Variants in EFHB observed in about 807,000 individuals in gnomAD.
EFHB encodes the protein EF-hand domain family member B.
Under a neutral mutation model 87.2 loss-of-function variants are expected in EFHB, and 91 were observed. The observed-to-expected ratio is 1.04, with a 90% CI of 0.88 to 1.24. The LOEUF (loss-of-function observed/expected upper bound fraction) is 1.24. EFHB is among the 50% of genes most tolerant of loss of function. The pLI, the probability that EFHB is intolerant of heterozygous loss-of-function variation, is 0.00. For synonymous variants in EFHB, 325 were observed against 333.6 expected (o/e 0.97, Z 0.28); for missense variants, 1,084 against 998.8 (o/e 1.09, Z -1.15).
intron 5 of EFHB, among the ~76,000 whole-genome samples, chr3:19,906,529 T>C (rs1243769959): frequency 3.9e-5 from 6 of 151,994 alleles, no homozygotes; most frequent in African/African-American, 1.4e-4. Context: ...CTGAAAACTA[T>C]AAAACAATGA....
chr3:19,915,116 T>G (rs1695182478), intron 5 of EFHB, among the ~76,000 whole-genome samples, 187 bp downstream of exon 5: 1 of 152,098 alleles, frequency 6.6e-6, no homozygotes, highest in Admixed American at 6.6e-5. Flanking sequence ...AAAATTTTTT[T>G]AAAAACCGTA....
chr3:19,895,905 G>A (rs535572790), intron 9 of EFHB, among the ~76,000 whole-genome samples: 85 of 152,222 alleles, frequency 5.6e-4, no homozygotes, highest in African/African-American at 1.9e-3. Context: ...AGTGCAGCTC[G>A]GTAAAAGCAA....
chr3:19,918,215 A>C lies in EFHB; in HGVS notation c.1177+17T>G. 1 of 1,192,644 alleles carries C rather than the reference A, an allele frequency of 8.4e-7. No homozygotes were observed. Among genetic ancestry groups the C allele is most frequent in the Admixed American group, 2.5e-5 (1 of 39,394 alleles). 73.9% of individuals were successfully genotyped at this position (1,192,644 alleles called of 1,614,324 possible). ...TTTTACCAGCCCCTTCCCACCCCTTATTTTTTTTTTTACTACCTTTGATGA... is the reference window on the plus strand; with the variant it reads ...TTTTACCAGCCCCTTCCCACCCCTTCTTTTTTTTTTTACTACCTTTGATGA... On this transcript the variant is annotated intron_variant, in intron 4 of 12. Coordinates refer to ENST00000295824, the MANE Select transcript of EFHB (RefSeq NM_144715.4).
intron 9 of EFHB, among the ~76,000 whole-genome samples, chr3:19,892,060 A>G (rs1186761209): frequency 6.6e-6 from 1 of 152,134 alleles, no homozygotes; most frequent in Admixed American, 6.5e-5. Context: ...ATTGACACTT[A>G]TTCAAGTTAT....
chr3:19,906,237 G>A (rs371838210), intron 5 of EFHB, among the ~76,000 whole-genome samples: 7 of 152,190 alleles, frequency 4.6e-5, no homozygotes, highest in East Asian at 1.9e-4. Flanking sequence ...GCTGAGGCAC[G>A]AGAATCGCTT....
upstream of EFHB, among the ~76,000 whole-genome samples, chr3:19,936,638 CG>C (rs1190100261): frequency 6.6e-6 from 1 of 151,958 alleles, no homozygotes; most frequent in Non-Finnish European, 1.5e-5. Context: ...GAGGCCTAGG[CG>C]GGTGGATCAT....
At chr3:19,881,297 C>T (rs1351040039) in intron 12 of EFHB, among the ~76,000 whole-genome samples, 1 of 152,178 alleles carries the variant, frequency 6.6e-6, no homozygotes, top group African/African-American at 2.4e-5. Flanking sequence ...AGGCTTTGCT[C>T]CAGTGGTTTG....
At chr3:19,936,261 G>C (rs534954575), upstream of EFHB, 2 of 720,674 alleles carry the variant, frequency 2.8e-6, no homozygotes, top group East Asian at 2.7e-5. Flanking sequence ...GAAGTGGGAG[G>C]ATCACTTGAG....
Position 19,899,517 on chromosome 3 carries a change from T to G in EFHB, c.1419-2A>C. On this transcript the variant is annotated splice_acceptor_variant, in intron 6 of 12. Transcript: ENST00000295824. LOFTEE classifies it high-confidence loss of function. ...GATACAAACTTAGCTCCTCTTTTCC[T>G]GCAAAATTAGAACATTATCAGGTAT... is the stretch of plus-strand genomic sequence containing the variant. 6.3e-7 allele frequency: 1 copy of G among 1,594,370 alleles called. No homozygotes were observed.
In EFHB at chr3:19,901,063, C is replaced by T. The variant is rs985117793; in HGVS notation, c.1419-1548G>A. 2.6e-5 allele frequency among the ~76,000 whole-genome samples: 4 copies of T among 152,124 alleles called. No individual in the cohort carries two copies. In the East Asian group the frequency reaches 7.7e-4, roughly 29 times the overall value. On this transcript the variant is annotated intron_variant, in intron 6 of 12. Coordinates refer to ENST00000295824, the MANE Select transcript of EFHB (RefSeq NM_144715.4). ...ATTCTGTCACATCAATAAGAATACA[C>T]TGCATGCATTTTCAATGCTGGCATA...
chr3:19,936,173 G>A (rs1696014233), upstream of EFHB: 1 of 1,307,982 alleles, frequency 7.6e-7, no homozygotes, highest in Non-Finnish European at 1.1e-6. Context: ...AGCCAAGGCA[G>A]AAGAATTGCT....
intron 1 of EFHB, chr3:19,943,339 T>G (rs1292639126): frequency 5.5e-6 from 1 of 183,244 alleles, no homozygotes. Flanking sequence ...GTAGGCCGGA[T>G]TGGATTCTGA....
chr3:19,940,409 C>A, intron 1 of EFHB: 1 of 440,192 alleles, frequency 2.3e-6, no homozygotes, highest in Non-Finnish European at 4.5e-6. Context: ...TGCTGATGTT[C>A]AAATTCTTCC....
At chr3:19,924,721 GT>G (rs1297393684) in intron 1 of EFHB, among the ~76,000 whole-genome samples, 1 of 152,096 alleles carries the variant, frequency 6.6e-6, no homozygotes, top group Non-Finnish European at 1.5e-5. Flanking sequence ...GATGTTCCAT[GT>G]TCATATTGTA....
intron 9 of EFHB, among the ~76,000 whole-genome samples, chr3:19,891,750 G>A (rs1694313856): frequency 6.6e-6 from 1 of 152,070 alleles, no homozygotes; most frequent in Non-Finnish European, 1.5e-5. Flanking sequence ...CATAAGCATG[G>A]GAATGATTGG....
intron 1 of EFHB, among the ~76,000 whole-genome samples, chr3:19,921,437 A>C (rs1318222944): frequency 1.3e-5 from 2 of 152,106 alleles, no homozygotes; most frequent in Admixed American, 6.6e-5. Context: ...GTAGTGTCTA[A>C]TGTTTTAATA....
intron 1 of EFHB, among the ~76,000 whole-genome samples, chr3:19,926,192 C>A (rs182165224): frequency 2.4e-4 from 36 of 152,258 alleles, no homozygotes; most frequent in Admixed American, 1.9e-3. Context: ...AAGCAAGGCA[C>A]CCCTTTGCAT....
intron 1 of EFHB, among the ~76,000 whole-genome samples, chr3:19,939,237 G>A (rs919351375): frequency 4.6e-5 from 7 of 151,742 alleles, no homozygotes; most frequent in African/African-American, 1.5e-4. Flanking sequence ...TGCCCCTGTT[G>A]TCCCCCTTGC....
chr3:19,934,288 ATC>A, upstream of EFHB: 1 of 1,341,060 alleles, frequency 7.5e-7, no homozygotes, highest in Non-Finnish European at 9.6e-7. Context: ...ATCCCTGCCC[ATC>A]TCTCATTCTT....
Sources: allele counts gnomAD v4.1 joint callset (sites outside exome capture counted in the v4.1 genomes callset), GRCh38; gene constraint gnomAD v4.1.1; transcripts MANE v1.5; gene names NCBI Gene and HGNC (gene_info 2026-07-23, HGNC 2026-07-21).